Variants in MSRA observed in about 807,000 individuals in gnomAD.
The protein encoded by MSRA is mitochondrial peptide methionine sulfoxide reductase.
A neutral mutation model predicts 31.3 loss-of-function variants in MSRA; 54 were observed. That is an observed-to-expected ratio of 1.73 (90% CI 1.39 to 2.17). The LOEUF (loss-of-function observed/expected upper bound fraction) is 2.17. Among genes scored for constraint, MSRA ranks in the 30% most tolerant of loss-of-function variants. The probability of loss-of-function intolerance (pLI) is 0.00; values close to 1 mark genes in which losing one functional copy is unlikely to be tolerated. For missense variants in MSRA, 507 were observed against 300.9 expected (o/e 1.69, Z -5.07); for synonymous variants, 169 against 116.5 (o/e 1.45, Z -2.90).
intron 3 of MSRA, among the ~76,000 whole-genome samples, chr8:10,292,743 G>A (rs1291071179): frequency 1.3e-5 from 2 of 152,232 alleles, no homozygotes; most frequent in Non-Finnish European, 2.9e-5. Flanking sequence ...GGCTTGGACT[G>A]TGGGTAGCCT....
intron 4 of MSRA, among the ~76,000 whole-genome samples, chr8:10,317,232 C>T (rs563288253): frequency 4.6e-5 from 7 of 152,266 alleles, no homozygotes; most frequent in South Asian, 4.2e-4. Flanking sequence ...CCTGGGACCT[C>T]GTAAAGTGAT....
chr8:10,194,258 T>TC (rs1807779150), intron 1 of MSRA, among the ~76,000 whole-genome samples: 2 of 151,958 alleles, frequency 1.3e-5, no homozygotes, highest in African/African-American at 2.4e-5. Flanking sequence ...TTAAAATCCT[T>TC]CCCCCCCTTA....
intron 5 of MSRA, among the ~76,000 whole-genome samples, chr8:10,360,527 C>T (rs1387192882): frequency 6.6e-6 from 1 of 152,174 alleles, no homozygotes; most frequent in Non-Finnish European, 1.5e-5. Flanking sequence ...ATCCCAGAGC[C>T]CCCCAGCAAG....
intron 1 of MSRA, among the ~76,000 whole-genome samples, chr8:10,080,257 T>G (rs1346693706): frequency 6.6e-6 from 1 of 152,198 alleles, no homozygotes; most frequent in South Asian, 2.1e-4. Flanking sequence ...GGAACTAACT[T>G]TATCCCCCTT....
intron 3 of MSRA, among the ~76,000 whole-genome samples, chr8:10,264,344 A>T (rs893449046): frequency 2.0e-5 from 3 of 152,256 alleles, no homozygotes; most frequent in African/African-American, 7.2e-5. Context: ...GAACAATCTT[A>T]TCATTGGATG....
intron 1 of MSRA, chr8:10,095,663 G>A (rs1055878482): frequency 2.0e-5 from 20 of 1,002,900 alleles, no homozygotes; most frequent in African/African-American, 1.5e-4. Context: ...CTGCTTTCTC[G>A]GCTTGAGCTT....
chr8:10,171,474 G>C (rs1442798355), intron 1 of MSRA, among the ~76,000 whole-genome samples: 1 of 151,508 alleles, frequency 6.6e-6, no homozygotes, highest in Admixed American at 6.6e-5. Context: ...TAGTTTCCGT[G>C]AGAGAAAACA....
chr8:10,337,690 A>ACTC, intron 5 of MSRA: 1 of 701,702 alleles, frequency 1.4e-6, no homozygotes, highest in Non-Finnish European at 2.6e-6. Flanking sequence ...TGAACCTTAT[A>ACTC]CTCCTCCTCT....
intron 1 of MSRA, among the ~76,000 whole-genome samples, chr8:10,056,389 C>T (rs945501735): frequency 5.3e-5 from 8 of 152,196 alleles, no homozygotes; most frequent in African/African-American, 1.9e-4. Flanking sequence ...AATGAGCCAA[C>T]AATTTTTTTC....
intron 1 of MSRA, among the ~76,000 whole-genome samples, chr8:10,073,999 C>G (rs139360247): frequency 6.7e-5 from 9 of 133,368 alleles, no homozygotes; most frequent in Middle Eastern, 4.2e-3. Context: ...GCTTTCTATA[C>G]GTGACAGTTC....
At chr8:10,112,434 C>A (rs1800359004) in intron 1 of MSRA, among the ~76,000 whole-genome samples, 1 of 152,156 alleles carries the variant, frequency 6.6e-6, no homozygotes, top group South Asian at 2.1e-4. Context: ...TTACTAAAGT[C>A]ACGGCCAGTT....
intron 1 of MSRA, among the ~76,000 whole-genome samples, chr8:10,202,049 T>G (rs1808550483): frequency 6.6e-6 from 1 of 152,224 alleles, no homozygotes; most frequent in Non-Finnish European, 1.5e-5. Context: ...TAATCAATAG[T>G]TAGGGCTCAA....
chr8:10,114,008 T>G (rs1330336504), intron 1 of MSRA, among the ~76,000 whole-genome samples: 1 of 152,188 alleles, frequency 6.6e-6, no homozygotes, highest in Non-Finnish European at 1.5e-5. Context: ...GTTCACTTTT[T>G]GTCTATGGAT....
chr8:10,095,970 A>T (rs1799132651), intron 1 of MSRA: 2 of 1,389,444 alleles, frequency 1.4e-6, no homozygotes, highest in Admixed American at 6.2e-5. Context: ...TTTCTACAAA[A>T]TAAAGTTTGT....
chr8:10,150,964 T>C (rs1420071630), intron 1 of MSRA, among the ~76,000 whole-genome samples: 3 of 152,034 alleles, frequency 2.0e-5, no homozygotes, highest in East Asian at 3.9e-4. Context: ...ACTGGTGGTA[T>C]TGATTTTATG....
chr8:10,364,904 C>G (rs1220086720), intron 5 of MSRA, among the ~76,000 whole-genome samples: 1 of 152,118 alleles, frequency 6.6e-6, no homozygotes, highest in East Asian at 1.9e-4. Context: ...CCTTCCTCCC[C>G]AAAATATCAT....
rs557343396 is a variant in MSRA, at chr8:10,359,005, C to T, written c.543+39016C>T. ...GATCTGAAGTGAAACAGTTTGATCC[C>T]AAAAACATTCCCTTATCCCCCCATC... On this transcript the variant is annotated intron_variant, in intron 5 of 5. Coordinates refer to ENST00000317173, the MANE Select transcript of MSRA (RefSeq NM_012331.5). Among the ~76,000 whole-genome samples the T allele has an allele frequency of 2.0e-5, 3 of 152,238 alleles. No individual in the cohort carries two copies. In the South Asian group the frequency reaches 6.2e-4, roughly 32 times the overall value.
intron 1 of MSRA, among the ~76,000 whole-genome samples, chr8:10,056,366 C>G (rs965107166): frequency 6.6e-6 from 1 of 152,086 alleles, no homozygotes; most frequent in Non-Finnish European, 1.5e-5. Flanking sequence ...AAAAGATGAG[C>G]AAACATTTCA....
At chr8:10,403,996 C>A (rs188902912) in intron 5 of MSRA, among the ~76,000 whole-genome samples, 1 of 152,158 alleles carries the variant, frequency 6.6e-6, no homozygotes, top group Non-Finnish European at 1.5e-5. Context: ...ATGTGTTGGG[C>A]GGGGGACTGT....
Sources: gnomAD v4.1 joint callset for allele counts (sites outside exome capture counted in the v4.1 genomes callset) on GRCh38, gnomAD v4.1.1 for gene constraint, MANE v1.5 for transcripts, NCBI Gene and HGNC (gene_info 2026-07-23, HGNC 2026-07-21) for gene names.